LRRC8D: variants seen among roughly 807,000 people sequenced by gnomAD.
LRRC8D encodes leucine rich repeat containing 8 VRAC subunit D.
Under a neutral mutation model 55.8 loss-of-function variants are expected in LRRC8D, and 20 were observed. The ratio of observed to expected loss-of-function variants is 0.36; its 90% CI spans 0.25 to 0.52. LRRC8D has a LOEUF of 0.52. Among genes scored for constraint, LRRC8D ranks in the 20% least tolerant of loss-of-function variants. The pLI is 0.93. For synonymous variants in LRRC8D, 352 were observed against 377.0 expected (o/e 0.93, Z 0.77); for missense variants, 651 against 1,030.8 (o/e 0.63, Z 5.05).
Position 89,904,973 on chromosome 1 carries a change from C to T in LRRC8D, c.-2-28094C>T, listed in dbSNP as rs556746091. Among the ~76,000 whole-genome samples, 22 of 129,074 alleles carry T rather than the reference C, an allele frequency of 1.7e-4. 1 individual carries two copies. The South Asian group carries it at 4.1e-3, about 24-fold the overall frequency. The allele number at this position is 129,074 out of a possible 152,430, so 84.7% of individuals were successfully genotyped here. On this transcript the variant is annotated intron_variant, in intron 2 of 2. Transcript: ENST00000337338. ...AGCTGATTTTTTAGTTGCAGGCAAA[C>T]GAATTTTTACATGGAAGTACTTGAT...
At chr1:89,861,040 G>T (rs1261797276) in intron 2 of LRRC8D, among the ~76,000 whole-genome samples, 1 of 151,982 alleles carries the variant, frequency 6.6e-6, no homozygotes, top group Non-Finnish European at 1.5e-5. Context: ...GGGCTGAATT[G>T]CTGGGTGCTG....
chr1:89,885,759 T>C (rs1455415132), intron 2 of LRRC8D, among the ~76,000 whole-genome samples: 1 of 152,212 alleles, frequency 6.6e-6, no homozygotes, highest in East Asian at 1.9e-4. Context: ...AGTGAAGACC[T>C]GGTGTGCAAA....
chr1:89,840,550 G>T (rs1661109332), intron 1 of LRRC8D, among the ~76,000 whole-genome samples: 1 of 152,168 alleles, frequency 6.6e-6, no homozygotes, highest in African/African-American at 2.4e-5. Context: ...AGACATTTGG[G>T]TGTGGACATA....
intron 2 of LRRC8D, among the ~76,000 whole-genome samples, chr1:89,847,681 G>A (rs1661314795): frequency 1.3e-5 from 2 of 152,118 alleles, no homozygotes; most frequent in Admixed American, 1.3e-4. Context: ...TGCCTTCTTA[G>A]TCAAATTGTA....
rs184047149 is a variant in LRRC8D, at chr1:89,891,898, C to T, written c.-2-41169C>T. On this transcript the variant is annotated intron_variant, in intron 2 of 2. Coordinates refer to ENST00000337338, the MANE Select transcript of LRRC8D (RefSeq NM_001134479.2). ...CTTTCATTTGCCCCTCTGTCATCAT[C>T]CCCCTGCCCTCTGTATTAACAACTC... Among the ~76,000 whole-genome samples, 713 of 152,304 alleles carry T rather than the reference C, an allele frequency of 4.7e-3. 9 individuals carry two copies. Among genetic ancestry groups the T allele is most frequent in the African/African-American group, 0.016 (680 of 41,566 alleles).
At chr1:89,848,110 G>A (rs1373833302) in intron 2 of LRRC8D, among the ~76,000 whole-genome samples, 1 of 152,206 alleles carries the variant, frequency 6.6e-6, no homozygotes, top group African/African-American at 2.4e-5. Context: ...GTTAAGCCCT[G>A]ATTTTGGATC....
chr1:89,835,679 GT>G (rs1167845197), intron 1 of LRRC8D, among the ~76,000 whole-genome samples: 2 of 152,176 alleles, frequency 1.3e-5, no homozygotes, highest in Non-Finnish European at 2.9e-5. Context: ...ACATGGGAAA[GT>G]TACTTAACTT....
At chr1:89,892,503 G>A (rs1006044256) in intron 2 of LRRC8D, among the ~76,000 whole-genome samples, 4 of 151,950 alleles carry the variant, frequency 2.6e-5, no homozygotes, top group Non-Finnish European at 5.9e-5. Flanking sequence ...CTACAGAACC[G>A]TCACTAGATT....
intron 2 of LRRC8D, among the ~76,000 whole-genome samples, chr1:89,889,009 T>G (rs115435703): frequency 0.013 from 1,915 of 152,248 alleles, 40 homozygotes; most frequent in African/African-American, 0.044. Flanking sequence ...TTTCCTTAAG[T>G]GTGGGCTGTG....
intron 2 of LRRC8D, among the ~76,000 whole-genome samples, chr1:89,895,419 T>G (rs979207860): frequency 1.3e-5 from 2 of 152,210 alleles, no homozygotes; most frequent in African/African-American, 4.8e-5. Context: ...AATATCTGCT[T>G]AATTTCAAAG....
Position 89,934,273 on chromosome 1 carries a change from AAGAGAGCAGTTTTAGTGACATTCC to A in LRRC8D, c.1209_1232del (p.Glu403_Pro410del). 2 of 1,614,212 alleles carry A rather than the reference AAGAGAGCAGTTTTAGTGACATTCC, an allele frequency of 1.2e-6. No individual in the cohort carries two copies. Among genetic ancestry groups the A allele is most frequent in the Non-Finnish European group, 1.7e-6 (2 of 1,180,034 alleles). The stretch of plus-strand genomic sequence containing the variant: ...GAATATTCTTTCGAAAAAGTCAGAG[AAGAGAGCAGTTTTAGTGACATTCC>A]AGATGTCAAAAACGATTTTGCGTTC... On this transcript the variant is annotated inframe_deletion, in exon 3 of 3. Coordinates refer to ENST00000337338, the MANE Select transcript of LRRC8D (RefSeq NM_001134479.2). This position sits in a 1 kb window ranked among gnomAD's most constrained non-coding sequence, Gnocchi z 5.9.
At position 89,934,304 on chromosome 1, in the gene LRRC8D, C is replaced by T; in HGVS notation, c.1236C>T (p.Val412=). Residue 412 remains valine, a synonymous_variant, in exon 3 of 3, where the codon GTC becomes GTT. Transcript: ENST00000337338. The surrounding 1 kb of genome is among the most constrained non-coding windows in gnomAD (Gnocchi z 5.9). Reference sequence around the variant, plus strand: ...GCAGTTTTAGTGACATTCCAGATGTCAAAAACGATTTTGCGTTCCTTCTTC... The same window carrying T: ...GCAGTTTTAGTGACATTCCAGATGTTAAAAACGATTTTGCGTTCCTTCTTC... ...EESSFSDIPD[V]KNDFAFLLHM... The T allele has an allele frequency of 6.2e-7, 1 of 1,613,984 alleles. No homozygotes were observed. The highest frequency in any genetic ancestry group is 8.5e-7 in the Non-Finnish European group (1 of 1,179,900).
chr1:89,920,618 AG>A (rs2100969932), intron 2 of LRRC8D, among the ~76,000 whole-genome samples: 1 of 151,950 alleles, frequency 6.6e-6, no homozygotes, highest in South Asian at 2.1e-4. Context: ...GAATTATATC[AG>A]CTATAGAGTA....
intron 2 of LRRC8D, among the ~76,000 whole-genome samples, chr1:89,932,059 G>GT (rs1305362653): frequency 6.6e-6 from 1 of 152,170 alleles, no homozygotes; most frequent in East Asian, 1.9e-4. Flanking sequence ...TAGAAACACT[G>GT]TTTTTCTTGG....
chr1:89,861,175 A>G (rs1661712623), intron 2 of LRRC8D, among the ~76,000 whole-genome samples: 1 of 152,188 alleles, frequency 6.6e-6, no homozygotes, highest in African/African-American at 2.4e-5. Context: ...CAGTGTGTAC[A>G]TACCATTCAG....
At chr1:89,903,738 T>G (rs1328841274) in intron 2 of LRRC8D, among the ~76,000 whole-genome samples, 1 of 152,196 alleles carries the variant, frequency 6.6e-6, no homozygotes, top group Non-Finnish European at 1.5e-5. Flanking sequence ...TTTTGGGGTG[T>G]TTGCTGATGT....
At chr1:89,829,087 GAAAATT>G (rs1660828930) in intron 1 of LRRC8D, among the ~76,000 whole-genome samples, 1 of 152,126 alleles carries the variant, frequency 6.6e-6, no homozygotes, top group Non-Finnish European at 1.5e-5. Flanking sequence ...AGAAATACTA[GAAAATT>G]AAAATGCTTG....
At chr1:89,899,877 C>G (rs1662807262) in intron 2 of LRRC8D, among the ~76,000 whole-genome samples, 1 of 152,202 alleles carries the variant, frequency 6.6e-6, no homozygotes, top group Non-Finnish European at 1.5e-5. Flanking sequence ...CAGTATCACT[C>G]TAAGGATTCA....
intron 2 of LRRC8D, among the ~76,000 whole-genome samples, chr1:89,864,822 C>T (rs911516972): frequency 7.2e-5 from 11 of 152,166 alleles, no homozygotes; most frequent in African/African-American, 2.7e-4. Context: ...ATCTTCCAGA[C>T]ACAAAAAACT....
Sources: allele counts gnomAD v4.1 joint callset (sites outside exome capture counted in the v4.1 genomes callset), GRCh38; gene constraint gnomAD v4.1.1; non-coding constraint Gnocchi (gnomAD v3.1); transcripts MANE v1.5; gene names NCBI Gene and HGNC (gene_info 2026-07-23, HGNC 2026-07-21).